The following SPTA1 variants were observed in gnomAD, a reference collection of about 807,000 sequenced individuals.
SPTA1 encodes the protein spectrin alpha, erythrocytic 1.
SPTA1 carries 177 observed loss-of-function variants against 324.7 expected under a neutral mutation model. The observed-to-expected ratio is 0.55, with a 90% confidence interval of 0.48 to 0.62. The LOEUF (loss-of-function observed/expected upper bound fraction) is 0.62. Among genes scored for constraint, SPTA1 ranks in the 20% least tolerant of loss-of-function variants. SPTA1 has a pLI of 0.00. For synonymous variants in SPTA1, 1,195 were observed against 1,041.3 expected (o/e 1.15, Z -2.84); for missense variants, 3,162 against 2,883.6 (o/e 1.10, Z -2.21).
chr1:158,623,058 C>A lies in SPTA1; in HGVS notation c.6045G>T (p.Lys2015Asn). ...AGGCTTCCAGCAACTGTTCCCAGCG[C>A]TTCAGCAGAGCGGCATAACGCTCTT... ...AIEERYAALL[K>N]RWEQLLEASA... The change falls in exon 43 of 52, where the codon AAG becomes AAT. Residue 2015 changes from lysine (K) to asparagine (N), a missense_variant. Lys to Asn is a moderately conservative substitution (Grantham distance 94). Coordinates refer to ENST00000643759, the MANE Select transcript of SPTA1 (RefSeq NM_003126.4). The A allele has an allele frequency of 6.2e-7, 1 of 1,614,180 alleles. No individual in the cohort carries two copies. The highest frequency in any genetic ancestry group is 8.5e-7 in the Non-Finnish European group (1 of 1,180,032).
intron 21 of SPTA1, among the ~76,000 whole-genome samples, chr1:158,654,077 G>A (rs1387587106): frequency 6.6e-6 from 1 of 152,074 alleles, no homozygotes; most frequent in East Asian, 1.9e-4. Context: ...AAGAATTTTT[G>A]TAGATTAATT....
At chr1:158,621,224 T>C (rs1316381798) in intron 43 of SPTA1, among the ~76,000 whole-genome samples, 1 of 133,164 alleles carries the variant, frequency 7.5e-6, no homozygotes, top group Non-Finnish European at 1.6e-5. Flanking sequence ...TCAAATATAC[T>C]TTTATACTTA....
In SPTA1 at chr1:158,654,506, A is replaced by T. The variant is rs998100779; in HGVS notation, c.3036+105T>A. 4.1e-6 allele frequency: 6 copies of T among 1,472,742 alleles called. No homozygotes were observed. The Admixed American group carries it at 1.3e-4, about 31-fold the overall frequency. 91.2% of individuals were successfully genotyped at this position (1,472,742 alleles called of 1,614,324 possible). ...GTTATAGTTATTCAAGAAATAAAAT[A>T]ATAAAATAAATGTTAGATGGTAAAA... On this transcript the variant is annotated intron_variant, in intron 21 of 51. Transcript: ENST00000643759.
Position 158,662,958 on chromosome 1 carries a change from T to C in SPTA1, c.2221-13A>G. 6.2e-6 allele frequency: 10 copies of C among 1,613,790 alleles called. No individual in the cohort carries two copies. Among genetic ancestry groups the C allele is most frequent in the Admixed American group, 1.7e-5 (1 of 60,014 alleles). Reference sequence around the variant, plus strand: ...TATCCACCTGATCCTAAGGGAGAAATAGAATGAATGCGAAGAAATCCCATC... The same window carrying C: ...TATCCACCTGATCCTAAGGGAGAAACAGAATGAATGCGAAGAAATCCCATC... On this transcript the variant is annotated splice_polypyrimidine_tract_variant and intron_variant, in intron 16 of 51. Coordinates refer to ENST00000643759, the MANE Select transcript of SPTA1 (RefSeq NM_003126.4).
intron 7 of SPTA1, 110 bp downstream of exon 7, chr1:158,677,580 T>C (rs2101933126): frequency 3.7e-6 from 5 of 1,353,970 alleles, no homozygotes; most frequent in African/African-American, 1.4e-5. Flanking sequence ...TTCTTCTTCA[T>C]TGAAAACAGT....
intron 27 of SPTA1, 56 bp from the exon 28 acceptor site, chr1:158,645,650 C>T: frequency 6.4e-7 from 1 of 1,556,160 alleles, no homozygotes; most frequent in South Asian, 1.1e-5. Flanking sequence ...TGCTACAGTG[C>T]TGTTTGTCCT....
Position 158,666,424 on chromosome 1 carries a change from C to A in SPTA1, c.2112G>T (p.Glu704Asp). The change falls in exon 16 of 52, where the codon GAG becomes GAT. Residue 704 changes from glutamate to aspartate, a missense_variant. By Grantham distance (45) the Glu-to-Asp change is conservative. Transcript: ENST00000643759. ...NNAEDLQRWL[E>D]DVEWQVTSED... ...CAGAGGTGACTTGCCACTCAACATC[C>A]TCCAGCCAGCGCTGCAAATCTTCTG... 1 of 1,613,730 alleles carries A rather than the reference C, an allele frequency of 6.2e-7. No homozygotes were observed. The highest frequency in any genetic ancestry group is 8.5e-7 in the Non-Finnish European group (1 of 1,179,988).
chr1:158,626,788 A>G (rs1650301581), intron 41 of SPTA1, 51 bp downstream of exon 41: 1 of 1,610,650 alleles, frequency 6.2e-7, no homozygotes, highest in African/African-American at 1.3e-5. Context: ...CATGGATGGG[A>G]TTTATTAGGG....
intron 39 of SPTA1, among the ~76,000 whole-genome samples, chr1:158,632,036 C>A (rs924167861): frequency 2.0e-5 from 3 of 152,082 alleles, no homozygotes; most frequent in African/African-American, 7.2e-5. Flanking sequence ...AAGATATGGA[C>A]ACAACCTAAA....
Position 158,638,017 on chromosome 1 carries a change from A to T in SPTA1, c.5189+16T>A. ...CGCTTGTATTATCCACACATTTTTG[A>T]GCTGGTGGCACATACTCTATCCAGG... On this transcript the variant is annotated intron_variant, in intron 36 of 51. Coordinates refer to ENST00000643759, the MANE Select transcript of SPTA1 (RefSeq NM_003126.4). 6.2e-7 allele frequency: 1 copy of T among 1,612,782 alleles called. No individual in the cohort carries two copies. The highest frequency in any genetic ancestry group is 8.5e-7 in the Non-Finnish European group (1 of 1,179,334).
At chr1:158,626,090 G>T (rs543725571) in intron 42 of SPTA1, 56 bp downstream of exon 42, 31 of 1,474,938 alleles carry the variant, frequency 2.1e-5, no homozygotes, top group Non-Finnish European at 2.9e-5. Flanking sequence ...TAATCATGGA[G>T]GATGAGCTTC....
At chr1:158,614,142 T>A (rs1649416140) in intron 49 of SPTA1, 111 bp downstream of exon 49, 1 of 936,210 alleles carries the variant, frequency 1.1e-6, no homozygotes, top group South Asian at 1.4e-5. Flanking sequence ...CATATCTAGA[T>A]CTTCATTTAA....
At chr1:158,653,900 G>A (rs552381206) in intron 21 of SPTA1, among the ~76,000 whole-genome samples, 8 of 152,088 alleles carry the variant, frequency 5.3e-5, no homozygotes, top group African/African-American at 1.9e-4. Flanking sequence ...TTGAACTGTT[G>A]CCACATCTAC....
intron 22 of SPTA1, 125 bp downstream of exon 22, chr1:158,653,149 T>G (rs755944465): frequency 2.1e-4 from 299 of 1,451,474 alleles, no homozygotes; most frequent in Non-Finnish European, 2.7e-4. Context: ...TTACTTTCGA[T>G]TCTTAAAATC....
chr1:158,612,718 A>G lies in SPTA1; in HGVS notation c.7134+99T>C, dbSNP rs1455420341. 4 of 1,387,402 alleles carry G rather than the reference A, an allele frequency of 2.9e-6. No individual in the cohort carries two copies. The Admixed American group carries it at 5.2e-5, about 18-fold the overall frequency. 85.9% of individuals were successfully genotyped at this position (1,387,402 alleles called of 1,614,324 possible). On this transcript the variant is annotated intron_variant, in intron 51 of 51. Transcript: ENST00000643759. ...GAAAGGGGAGGTCTGAAAAAAAAAA[A>G]CAAGTGGGTGGGTTTTTTCAAAGTA...
rs767465359 is a variant in SPTA1, at chr1:158,676,156, A to C, written c.1097T>G (p.Leu366Arg). Residue 366 changes from leucine to arginine, a missense_variant, in exon 8 of 52, where the codon CTG becomes CGG. Physicochemically the swap from Leu to Arg is moderately radical, Grantham distance 102. Coordinates refer to ENST00000643759, the MANE Select transcript of SPTA1 (RefSeq NM_003126.4). ...RALATSRYEK[L>R]QATYWYHRFS... ...GATTTCCCACCAATAAGTAGCCTGC[A>C]GTTTTTCATATCTGCTGGTGGCCAG... is the stretch of plus-strand genomic sequence containing the variant. 9 of 1,613,682 alleles carry C rather than the reference A, an allele frequency of 5.6e-6. No individual in the cohort carries two copies. The East Asian group carries it at 1.8e-4, about 32-fold the overall frequency.
At position 158,612,965 on chromosome 1, in the gene SPTA1, T is replaced by C; in HGVS notation, c.6990-4A>G. Reference sequence around the variant, plus strand: ...CTCCAGTGAGACATAGCCCTTCCTGTGGGAGAAATGGATCAGGAGCTGAGC... The same window carrying C: ...CTCCAGTGAGACATAGCCCTTCCTGCGGGAGAAATGGATCAGGAGCTGAGC... On this transcript the variant is annotated splice_region_variant and splice_polypyrimidine_tract_variant and intron_variant, in intron 50 of 51. Transcript: ENST00000643759. 1 of 1,613,686 alleles carries C rather than the reference T, an allele frequency of 6.2e-7. No individual in the cohort carries two copies. The highest frequency in any genetic ancestry group is 8.5e-7 in the Non-Finnish European group (1 of 1,179,790).
chr1:158,614,271 T>C lies in SPTA1; in HGVS notation c.6824A>G (p.Glu2275Gly). 2 of 1,597,574 alleles carry C rather than the reference T, an allele frequency of 1.3e-6. No homozygotes were observed. The highest frequency in any genetic ancestry group is 1.7e-6 in the Non-Finnish European group (2 of 1,165,758). Residue 2275 changes from glutamate (E) to glycine (G), a missense_variant, in exon 49 of 52, where the codon GAA (glutamate) becomes GGA (glycine). Glu to Gly is a moderately conservative substitution (Grantham distance 98). Coordinates refer to ENST00000643759, the MANE Select transcript of SPTA1 (RefSeq NM_003126.4). ...IKGVSEETLK[E>G]FSTIYKHFDE... Reference sequence around the variant, plus strand: ...TACTCACTTATAGATTGTGCTAAATTCCTTTAGAGTCTCTTCACTCACACC... The same window carrying C: ...TACTCACTTATAGATTGTGCTAAATCCCTTTAGAGTCTCTTCACTCACACC...
intron 18 of SPTA1, 120 bp from the exon 19 acceptor site, chr1:158,657,814 C>T (rs1232154388): frequency 1.9e-5 from 20 of 1,050,364 alleles, no homozygotes; most frequent in South Asian, 4.3e-5. Flanking sequence ...ATTTAGTCGA[C>T]GTTATATTTT....
Sources: allele counts gnomAD v4.1 joint callset (sites outside exome capture counted in the v4.1 genomes callset), GRCh38; gene constraint gnomAD v4.1.1; transcripts MANE v1.5; gene names NCBI Gene and HGNC (gene_info 2026-07-23, HGNC 2026-07-21).